Variants in UBE3C observed in about 807,000 individuals in gnomAD.
The protein encoded by UBE3C is ubiquitin protein ligase E3C.
Under a neutral mutation model 129.4 loss-of-function variants are expected in UBE3C, and 42 were observed. That is an observed-to-expected ratio of 0.32 (90% CI 0.25 to 0.42). The LOEUF is 0.42. Among genes scored for constraint, UBE3C ranks in the 10% least tolerant of loss-of-function variants. The pLI is 1.00. For missense variants in UBE3C, 1,049 were observed against 1,319.1 expected (o/e 0.80, Z 3.17); for synonymous variants, 510 against 492.4 (o/e 1.04, Z -0.47).
rs767709354 is a variant in UBE3C, at chr7:157,267,734, C to T, written c.3231C>T (p.Ala1077=). Residue 1077 remains alanine, a synonymous_variant, in exon 23 of 23, where the codon GCC becomes GCT. Coordinates refer to ENST00000348165, the MANE Select transcript of UBE3C (RefSeq NM_014671.3). ...RSKLLYAIEC[A]AGFELS ...AACTTCTCTATGCGATTGAATGTGCCGCTGGCTTTGAGCTGAGCTGAAGCT... is the reference window on the plus strand; with the variant it reads ...AACTTCTCTATGCGATTGAATGTGCTGCTGGCTTTGAGCTGAGCTGAAGCT... 85 of 1,609,262 alleles carry T rather than the reference C, an allele frequency of 5.3e-5. No individual in the cohort carries two copies. The highest frequency in any genetic ancestry group is 1.0e-4 in the Admixed American group (6 of 59,102).
At chr7:157,168,843 G>A (rs1018666425) in intron 2 of UBE3C, among the ~76,000 whole-genome samples, 1 of 152,224 alleles carries the variant, frequency 6.6e-6, no homozygotes, top group Admixed American at 6.5e-5. Flanking sequence ...TGGTTGTGGT[G>A]ATGAAGGTAT....
intron 18 of UBE3C, among the ~76,000 whole-genome samples, chr7:157,238,038 A>G (rs933702738): frequency 6.6e-6 from 1 of 152,022 alleles, no homozygotes; most frequent in Non-Finnish European, 1.5e-5. Flanking sequence ...GGTGACAGAG[A>G]CCCTGTCTCA....
At chr7:157,216,263 T>C (rs1795565680) in intron 13 of UBE3C, among the ~76,000 whole-genome samples, 1 of 152,062 alleles carries the variant, frequency 6.6e-6, no homozygotes, top group African/African-American at 2.4e-5. Context: ...TCAGAAATAC[T>C]CTTTCAGGAA....
chr7:157,256,969 G>T lies in UBE3C; in HGVS notation c.3006G>T (p.Gly1002=). ...VIKVFWRVVE[G]FTDEEKRKLL... ...AGGTCTTCTGGAGAGTTGTGGAAGG[G>T]TTCACTGATGAAGAAAAGCGCAAAC... Residue 1002 remains glycine (G), a synonymous_variant, in exon 22 of 23, where the codon GGG becomes GGT. Transcript: ENST00000348165. 1 of 1,614,158 alleles carries T rather than the reference G, an allele frequency of 6.2e-7. No individual in the cohort carries two copies.
At chr7:157,155,685 T>C (rs566459087) in intron 1 of UBE3C, among the ~76,000 whole-genome samples, 1 of 152,350 alleles carries the variant, frequency 6.6e-6, no homozygotes, top group South Asian at 2.1e-4. Context: ...TCCCCCCATT[T>C]GAAATCATCT....
intron 10 of UBE3C, among the ~76,000 whole-genome samples, chr7:157,194,312 T>TA (rs1370665811): frequency 6.6e-6 from 1 of 152,216 alleles, no homozygotes; most frequent in East Asian, 1.9e-4. Flanking sequence ...ACTTCCATCC[T>TA]GTGGTAGTTC....
chr7:157,218,884 T>G (rs1450703619), intron 14 of UBE3C, among the ~76,000 whole-genome samples: 2 of 152,190 alleles, frequency 1.3e-5, no homozygotes, highest in African/African-American at 4.8e-5. Context: ...AACAAAACCC[T>G]TCGTCATCAT....
chr7:157,165,679 G>A (rs959663719), intron 2 of UBE3C, among the ~76,000 whole-genome samples: 4 of 152,156 alleles, frequency 2.6e-5, no homozygotes, highest in Admixed American at 6.5e-5. Context: ...GATTACAGGC[G>A]TGAGCCACCC....
chr7:157,181,496 A>G (rs1261614573), intron 6 of UBE3C, 22 bp from the exon 7 acceptor site: 2 of 1,545,974 alleles, frequency 1.3e-6, no homozygotes, highest in African/African-American at 2.8e-5. Context: ...ACTAAATTTT[A>G]AATATGTGTT....
chr7:157,197,739 A>G (rs1424377744), intron 10 of UBE3C: 1 of 1,611,484 alleles, frequency 6.2e-7, no homozygotes, highest in Non-Finnish European at 8.5e-7. Context: ...AGACTGTACA[A>G]TAAAGTTCCG....
intron 10 of UBE3C, among the ~76,000 whole-genome samples, chr7:157,192,014 T>C (rs1224726269): frequency 1.3e-5 from 2 of 152,212 alleles, no homozygotes; most frequent in East Asian, 3.8e-4. Context: ...TTGATGAGCT[T>C]TTAAACATTT....
chr7:157,220,784 C>G lies in UBE3C; in HGVS notation c.2002+8C>G, dbSNP rs1563061891. 2 of 1,613,900 alleles carry G rather than the reference C, an allele frequency of 1.2e-6. No individual in the cohort carries two copies. Among genetic ancestry groups the G allele is most frequent in the Non-Finnish European group, 1.7e-6 (2 of 1,179,866 alleles). On this transcript the variant is annotated splice_region_variant and intron_variant, in intron 15 of 22. Transcript: ENST00000348165. Reference sequence around the variant, plus strand: ...TGCAGTCCACCCTGGACGGTGAGTTCTCTAGGACACAGGGTTACTGAGGTA... The same window carrying G: ...TGCAGTCCACCCTGGACGGTGAGTTGTCTAGGACACAGGGTTACTGAGGTA...
intron 5 of UBE3C, among the ~76,000 whole-genome samples, chr7:157,178,368 G>A (rs1049087742): frequency 1.3e-5 from 2 of 152,132 alleles, no homozygotes; most frequent in African/African-American, 4.8e-5. Context: ...CAGCTTCTTG[G>A]TACAATTCAT....
chr7:157,174,457 G>T (rs1395221330), intron 4 of UBE3C, among the ~76,000 whole-genome samples: 1 of 151,950 alleles, frequency 6.6e-6, no homozygotes, highest in Non-Finnish European at 1.5e-5. Flanking sequence ...AAATACTTTT[G>T]TTTTTTTGGA....
intron 10 of UBE3C, chr7:157,197,744 G>C (rs1364273533): frequency 6.2e-7 from 1 of 1,611,330 alleles, no homozygotes; most frequent in Non-Finnish European, 8.5e-7. Context: ...GTACAATAAA[G>C]TTCCGGACAT....
rs777750715 is a variant in UBE3C at position 157,257,024 on chromosome 7, C to T, written c.3061C>T (p.Pro1021Ser). The T allele has an allele frequency of 1.2e-6, 2 of 1,614,184 alleles. No individual in the cohort carries two copies. The highest frequency in any genetic ancestry group is 1.7e-6 in the Non-Finnish European group (2 of 1,180,030). ...LLKFVTSCSR[P>S]PLLGFKELYP... ...GAAGTTTGTAACAAGCTGCTCTCGA[C>T]CCCCTCTCTTGGGGTTTAAGGTACA... Residue 1021 changes from proline (P) to serine (S), a missense_variant, in exon 22 of 23, where the codon CCC (proline) becomes TCC (serine). Coordinates refer to ENST00000348165, the MANE Select transcript of UBE3C (RefSeq NM_014671.3).
chr7:157,249,962 G>A (rs1796580724), intron 19 of UBE3C, among the ~76,000 whole-genome samples: 1 of 152,160 alleles, frequency 6.6e-6, no homozygotes, highest in Admixed American at 6.5e-5. Context: ...CAGGTTTTTG[G>A]ATTAAGGACT....
chr7:157,221,278 C>G (rs1441273061), intron 15 of UBE3C: 1 of 153,902 alleles, frequency 6.5e-6, no homozygotes, highest in African/African-American at 2.4e-5. Context: ...GAGTAAGTTT[C>G]ACTGGGAGTA....
intron 22 of UBE3C, among the ~76,000 whole-genome samples, chr7:157,257,257 T>C (rs1192388088): frequency 6.6e-6 from 1 of 152,242 alleles, no homozygotes; most frequent in Non-Finnish European, 1.5e-5. Context: ...CCTAGTCATA[T>C]GATAGTTACA....
Sources: gnomAD v4.1 joint callset for allele counts (sites outside exome capture counted in the v4.1 genomes callset) on GRCh38, gnomAD v4.1.1 for gene constraint, MANE v1.5 for transcripts, NCBI Gene and HGNC (gene_info 2026-07-23, HGNC 2026-07-21) for gene names.